Variants in PLD1 observed in about 807,000 individuals in gnomAD.
PLD1 encodes phospholipase D1.
PLD1 carries 112 observed loss-of-function variants against 137.1 expected under a neutral mutation model. The ratio of observed to expected loss-of-function variants is 0.82; its 90% confidence interval spans 0.70 to 0.96. The LOEUF (loss-of-function observed/expected upper bound fraction) is 0.96, where lower values mean the gene tolerates loss of function less well. PLD1 is among the 40% of genes least tolerant of loss of function. The pLI, the probability that PLD1 is intolerant of heterozygous loss-of-function variation, is 0.00. For synonymous variants in PLD1, 431 were observed against 454.7 expected (o/e 0.95, Z 0.66); for missense variants, 1,321 against 1,342.0 (o/e 0.98, Z 0.24).
intron 23 of PLD1, among the ~76,000 whole-genome samples, chr3:171,639,417 T>C (rs1735452388): frequency 8.0e-6 from 1 of 125,480 alleles, no homozygotes; most frequent in South Asian, 2.3e-4. Flanking sequence ...TATATAATTT[T>C]TAATTTATAT....
chr3:171,671,757 T>C (rs1454139713), intron 19 of PLD1, among the ~76,000 whole-genome samples: 1 of 152,144 alleles, frequency 6.6e-6, no homozygotes, highest in East Asian at 1.9e-4. Flanking sequence ...AGGAGTCCTG[T>C]ATTAAAGAAT....
intron 21 of PLD1, chr3:171,654,265 T>C (rs1255210326): frequency 1.2e-5 from 3 of 252,858 alleles, no homozygotes; most frequent in South Asian, 6.5e-5. Context: ...ATCACACCAC[T>C]GCACTTCAGC....
chr3:171,665,753 T>C (rs1712060880), intron 19 of PLD1, among the ~76,000 whole-genome samples: 1 of 151,640 alleles, frequency 6.6e-6, no homozygotes, highest in Non-Finnish European at 1.5e-5. Flanking sequence ...GAGAGCATAA[T>C]AAGAAAAAGC....
At chr3:171,764,867 GAAAGAAAGAAAGAA>G (rs1721733490) in intron 1 of PLD1, among the ~76,000 whole-genome samples, 1 of 24,224 alleles carries the variant, frequency 4.1e-5, no homozygotes, top group Non-Finnish European at 8.8e-5. Flanking sequence ...AAGAAAGAAA[GAAAGAAAGAAAGAA>G]AGAAAGAAAG....
intron 1 of PLD1, among the ~76,000 whole-genome samples, chr3:171,752,388 C>T (rs1720727338): frequency 1.3e-5 from 2 of 152,206 alleles, no homozygotes; most frequent in African/African-American, 4.8e-5. Context: ...TTTCTGTGGT[C>T]TCTATCATAC....
intron 23 of PLD1, among the ~76,000 whole-genome samples, chr3:171,626,562 A>G (rs1483279614): frequency 6.6e-6 from 1 of 152,214 alleles, no homozygotes; most frequent in Non-Finnish European, 1.5e-5. Context: ...AGATTCAGCA[A>G]AGTTGAAATG....
intron 23 of PLD1, among the ~76,000 whole-genome samples, chr3:171,641,657 T>C (rs771187556): frequency 2.0e-5 from 3 of 152,178 alleles, no homozygotes; most frequent in Non-Finnish European, 4.4e-5. Flanking sequence ...GTCCATTGGA[T>C]TGAAACTCAG....
intron 20 of PLD1, among the ~76,000 whole-genome samples, chr3:171,659,873 A>G (rs1273862009): frequency 6.6e-6 from 1 of 152,188 alleles, no homozygotes; most frequent in African/African-American, 2.4e-5. Context: ...TATGTTGCAT[A>G]TATATAAGCC....
intron 1 of PLD1, among the ~76,000 whole-genome samples, chr3:171,777,843 C>T (rs776149981): frequency 6.6e-5 from 10 of 152,150 alleles, no homozygotes; most frequent in Non-Finnish European, 1.5e-4. Context: ...CATCAGCAGC[C>T]GCAAATCCAT....
In PLD1 at chr3:171,735,594, T is replaced by A; in HGVS notation, c.332A>T (p.Glu111Val). The change falls in exon 4 of 27, where the codon GAA (glutamate) becomes GTA (valine). Residue 111 changes from glutamate (E) to valine (V), a missense_variant. Glu to Val is a moderately radical substitution (Grantham distance 121). Coordinates refer to ENST00000351298, the MANE Select transcript of PLD1 (RefSeq NM_002662.5). ...TTTCCTCTTAACTTGCCATTTAAATTCCCCATGTGTTAATTCAATAGTGTA... is the reference window on the plus strand; with the variant it reads ...TTTCCTCTTAACTTGCCATTTAAATACCCCATGTGTTAATTCAATAGTGTA... ...NLYTIELTHG[E>V]FKWQVKRKFK... is the part of the protein sequence containing the mutation. 1 of 1,558,946 alleles carries A rather than the reference T, an allele frequency of 6.4e-7. No homozygotes were observed. Among genetic ancestry groups the A allele is most frequent in the Non-Finnish European group, 8.9e-7 (1 of 1,129,764 alleles).
At chr3:171,679,251 C>A (rs1164758640) in intron 16 of PLD1, among the ~76,000 whole-genome samples, 1 of 152,198 alleles carries the variant, frequency 6.6e-6, no homozygotes, top group Non-Finnish European at 1.5e-5. Context: ...CTATCTCAAA[C>A]TGAATCATTA....
intron 18 of PLD1, among the ~76,000 whole-genome samples, chr3:171,674,991 A>G (rs1713199117): frequency 1.3e-5 from 2 of 150,960 alleles, no homozygotes; most frequent in Non-Finnish European, 3.0e-5. Context: ...AAAAAAAAAA[A>G]AAAAAAAAGA....
chr3:171,785,043 G>C (rs1276586620), intron 1 of PLD1, among the ~76,000 whole-genome samples: 1 of 152,192 alleles, frequency 6.6e-6, no homozygotes, highest in Non-Finnish European at 1.5e-5. Flanking sequence ...CTGAAGTACA[G>C]ACAGAGTACT....
chr3:171,735,498 G>A lies in PLD1; in HGVS notation c.428C>T (p.Thr143Ile), dbSNP rs1181094354. ...YKAFIRIPIP[T>I]RRHTFRRQNV... The stretch of plus-strand genomic sequence containing the variant: ...TTAATTCCAAAATGGTTACCTTCTA[G>A]TGGGAATGGGGATGCGGATAAAGGC... The change falls in exon 4 of 27, where the codon ACT becomes ATT. Residue 143 changes from threonine to isoleucine, a missense_variant. Coordinates refer to ENST00000351298, the MANE Select transcript of PLD1 (RefSeq NM_002662.5). 1.9e-6 allele frequency: 3 copies of A among 1,612,970 alleles called. No homozygotes were observed. The highest frequency in any genetic ancestry group is 1.1e-5 in the South Asian group (1 of 91,066).
intron 11 of PLD1, among the ~76,000 whole-genome samples, chr3:171,706,065 T>C (rs1471940749): frequency 2.0e-5 from 3 of 152,150 alleles, no homozygotes; most frequent in African/African-American, 7.2e-5. Flanking sequence ...TTTAAACTTT[T>C]GGACCATAAG....
intron 17 of PLD1, among the ~76,000 whole-genome samples, chr3:171,677,192 A>G (rs1713466568): frequency 6.6e-6 from 1 of 152,344 alleles, no homozygotes; most frequent in South Asian, 2.1e-4. Context: ...CCTCTTAAAC[A>G]TATAAACCCA....
intron 1 of PLD1, among the ~76,000 whole-genome samples, chr3:171,766,545 A>G (rs937003433): frequency 3.3e-5 from 5 of 152,190 alleles, no homozygotes; most frequent in Admixed American, 1.3e-4. Flanking sequence ...TTAAATATCT[A>G]TCATCACCAT....
At chr3:171,690,296 C>CA (rs1301206991) in intron 13 of PLD1, among the ~76,000 whole-genome samples, 39 of 151,684 alleles carry the variant, frequency 2.6e-4, no homozygotes, top group Non-Finnish European at 4.9e-4. Context: ...TTTATCTTTT[C>CA]AAAAAACCAA....
intron 9 of PLD1, among the ~76,000 whole-genome samples, chr3:171,711,696 A>G (rs1717244067): frequency 6.6e-6 from 1 of 151,956 alleles, no homozygotes; most frequent in South Asian, 2.1e-4. Flanking sequence ...TCTTGCTACC[A>G]CAAGGGAATC....
Sources: allele counts gnomAD v4.1 joint callset (sites outside exome capture counted in the v4.1 genomes callset), GRCh38; gene constraint gnomAD v4.1.1; transcripts MANE v1.5; gene names NCBI Gene and HGNC (gene_info 2026-07-23, HGNC 2026-07-21).